The following EPHA6 variants were observed in gnomAD, a reference collection of about 807,000 sequenced individuals.
EPHA6 encodes the protein EPH receptor A6.
Under a neutral mutation model 112.0 loss-of-function variants are expected in EPHA6, and 50 were observed. The ratio of observed to expected loss-of-function variants is 0.45; its 90% CI spans 0.36 to 0.56. The LOEUF is 0.56. Among genes scored for constraint, EPHA6 ranks in the 20% least tolerant of loss-of-function variants. The pLI is 0.00. For missense variants in EPHA6, 1,280 were observed against 1,417.4 expected, an observed-to-expected ratio of 0.90 and a Z score of 1.56; for synonymous variants, 529 against 490.7, an observed-to-expected ratio of 1.08 and a Z score of -1.03.
chr3:96,900,979 C>G (rs1174802838), intron 2 of EPHA6, among the ~76,000 whole-genome samples: 1 of 152,140 alleles, frequency 6.6e-6, no homozygotes, highest in Non-Finnish European at 1.5e-5. Flanking sequence ...CCTAACAAGC[C>G]ACATATTGAA....
At chr3:97,169,544 C>A (rs771520401) in intron 3 of EPHA6, among the ~76,000 whole-genome samples, 146 of 152,054 alleles carry the variant, frequency 9.6e-4, no homozygotes, top group Non-Finnish European at 1.9e-3. Flanking sequence ...TTGTAAACTT[C>A]TTTAGAGGCT....
At chr3:97,010,042 G>A (rs778853622) in intron 3 of EPHA6, 4 of 1,295,932 alleles carry the variant, frequency 3.1e-6, no homozygotes, top group South Asian at 1.2e-5. Context: ...GGCCATCTTG[G>A]CCCCACCCCG....
intron 3 of EPHA6, among the ~76,000 whole-genome samples, chr3:97,077,657 C>T (rs1262944711): frequency 6.6e-6 from 1 of 151,022 alleles, no homozygotes; most frequent in Non-Finnish European, 1.5e-5. Flanking sequence ...GGTTTTCTGT[C>T]CTTGTGATAG....
At chr3:97,540,607 C>G (rs1560115202) in intron 11 of EPHA6, among the ~76,000 whole-genome samples, 1 of 152,180 alleles carries the variant, frequency 6.6e-6, no homozygotes, top group Admixed American at 6.5e-5. Context: ...GTGGTTTTCT[C>G]CTGCCCCTAA....
intron 5 of EPHA6, among the ~76,000 whole-genome samples, chr3:97,392,698 C>A (rs1048648149): frequency 1.3e-5 from 2 of 151,626 alleles, no homozygotes; most frequent in Non-Finnish European, 3.0e-5. Flanking sequence ...AGATTTATAT[C>A]TCTATAAGCT....
At chr3:97,192,810 A>T (rs1219728131) in intron 3 of EPHA6, among the ~76,000 whole-genome samples, 1 of 152,162 alleles carries the variant, frequency 6.6e-6, no homozygotes, top group Admixed American at 6.5e-5. Flanking sequence ...ATATGGCAAG[A>T]GATAGGGATG....
At chr3:97,297,699 T>G (rs2080925394) in intron 5 of EPHA6, among the ~76,000 whole-genome samples, 1 of 152,230 alleles carries the variant, frequency 6.6e-6, no homozygotes, top group African/African-American at 2.4e-5. Flanking sequence ...GAATGATATG[T>G]TGAAGAATTC....
At chr3:97,390,330 G>C (rs183344100) in intron 5 of EPHA6, among the ~76,000 whole-genome samples, 31 of 152,044 alleles carry the variant, frequency 2.0e-4, no homozygotes, top group African/African-American at 6.7e-4. Flanking sequence ...CTGAACCACT[G>C]TGACAAGATC....
chr3:96,955,592 AAT>A (rs2041726145), intron 2 of EPHA6, among the ~76,000 whole-genome samples: 1 of 152,180 alleles, frequency 6.6e-6, no homozygotes, highest in Non-Finnish European at 1.5e-5. Context: ...AATGGCAAAA[AAT>A]ATGTTATAAA....
At chr3:97,423,088 C>T (rs141315234) in intron 6 of EPHA6, among the ~76,000 whole-genome samples, 12 of 152,168 alleles carry the variant, frequency 7.9e-5, no homozygotes, top group African/African-American at 2.6e-4. Context: ...CCTTGAGAAC[C>T]GGAACAAGAC....
intron 5 of EPHA6, among the ~76,000 whole-genome samples, chr3:97,367,474 C>G (rs1259993071): frequency 1.3e-5 from 2 of 151,864 alleles, no homozygotes; most frequent in African/African-American, 4.8e-5. Context: ...GAGGCAGCTT[C>G]TCTCTCTCAC....
chr3:97,276,324 T>A (rs1007633201), intron 5 of EPHA6, among the ~76,000 whole-genome samples: 1 of 152,010 alleles, frequency 6.6e-6, no homozygotes, highest in African/African-American at 2.4e-5. Flanking sequence ...TGGGAGTGGC[T>A]GCCAGGTGAG....
At position 97,142,020 on chromosome 3, in the gene EPHA6, A is replaced by C. The variant is rs182780984; in HGVS notation, c.1115-84244A>C. ...CTCTAATATATTGACTTTGGAAACA[A>C]GACATCATTCTATTTATAGTGTTCT... On this transcript the variant is annotated intron_variant, in intron 3 of 17. Transcript: ENST00000389672. 2.6e-4 allele frequency among the ~76,000 whole-genome samples: 39 copies of C among 152,116 alleles called. No individual in the cohort carries two copies. The East Asian group carries it at 7.5e-3, about 29-fold the overall frequency.
chr3:97,651,633 T>C (rs369931419), intron 14 of EPHA6, among the ~76,000 whole-genome samples: 1 of 152,016 alleles, frequency 6.6e-6, no homozygotes, highest in Admixed American at 6.6e-5. Flanking sequence ...CAAGTGCTGT[T>C]TGTTCGTGTG....
chr3:97,646,170 C>G, intron 14 of EPHA6: 8 of 1,535,556 alleles, frequency 5.2e-6, no homozygotes, highest in Non-Finnish European at 7.0e-6. Flanking sequence ...AGAAGATGGT[C>G]TGGAAAGCTT....
chr3:97,069,194 A>G (rs377044213), intron 3 of EPHA6, among the ~76,000 whole-genome samples: 42 of 152,184 alleles, frequency 2.8e-4, no homozygotes, highest in African/African-American at 1.0e-3. Flanking sequence ...TTTGTAGGAT[A>G]AATTTATTAT....
intron 5 of EPHA6, among the ~76,000 whole-genome samples, chr3:97,325,131 C>A (rs2082356401): frequency 2.0e-5 from 3 of 152,012 alleles, no homozygotes; most frequent in Admixed American, 2.0e-4. Flanking sequence ...TCAATTTCTT[C>A]AACTGTAAAA....
chr3:97,016,424 C>T (rs1338437410), intron 3 of EPHA6, among the ~76,000 whole-genome samples: 1 of 151,652 alleles, frequency 6.6e-6, no homozygotes, highest in East Asian at 1.9e-4. Flanking sequence ...ATTCCAATTT[C>T]AGAAAAAAAG....
intron 11 of EPHA6, among the ~76,000 whole-genome samples, chr3:97,572,469 A>G (rs1305761453): frequency 6.7e-6 from 1 of 150,354 alleles, no homozygotes; most frequent in Non-Finnish European, 1.5e-5. Flanking sequence ...TCTCTTAGTT[A>G]CTCCTTTTTC....
Sources: allele counts gnomAD v4.1 joint callset (sites outside exome capture counted in the v4.1 genomes callset), GRCh38; gene constraint gnomAD v4.1.1; transcripts MANE v1.5; gene names NCBI Gene and HGNC (gene_info 2026-07-23, HGNC 2026-07-21).